GNAO1: variants seen among roughly 807,000 people sequenced by gnomAD.
The protein encoded by GNAO1 is G protein subunit alpha o1.
For synonymous variants in GNAO1, 164 were observed against 180.7 expected (o/e 0.91, Z 0.74); for missense variants, 166 against 478.7 (o/e 0.35, Z 6.10).
At chr16:56,262,916 T>C (rs1168886884) in intron 2 of GNAO1, among the ~76,000 whole-genome samples, 1 of 152,266 alleles carries the variant, frequency 6.6e-6, no homozygotes, top group Non-Finnish European at 1.5e-5. Context: ...CTGTCATGTC[T>C]CTGCAACATA....
chr16:56,203,393 G>A (rs891184793), intron 2 of GNAO1, among the ~76,000 whole-genome samples: 1 of 152,118 alleles, frequency 6.6e-6, no homozygotes, highest in Admixed American at 6.5e-5. Flanking sequence ...GTCACTATGA[G>A]AAAAAAGCTC....
At chr16:56,279,587 C>T (rs576017085) in intron 3 of GNAO1, among the ~76,000 whole-genome samples, 3 of 152,322 alleles carry the variant, frequency 2.0e-5, no homozygotes, top group East Asian at 1.9e-4. Context: ...TATGCTTCAT[C>T]TTGTCCATGA....
rs375960435 is a variant in GNAO1, at chr16:56,334,760, G to A, written c.496G>A (p.Ala166Thr). 13 of 1,613,808 alleles carry A rather than the reference G, an allele frequency of 8.1e-6. 1 individual carries two copies. Among genetic ancestry groups the A allele is most frequent in the Middle Eastern group, 1.6e-4 (1 of 6,084 alleles). ...GGACAGCCTGGATCGGATTGGGGCC[G>A]CCGACTACCAGCCCACCGAGCAGGA... Reference protein sequence around the residue: ...YLDSLDRIGAADYQPTEQDIL... With the variant: ...YLDSLDRIGATDYQPTEQDIL... The change falls in exon 5 of 9, where the codon GCC (alanine) becomes ACC (threonine). Residue 166 changes from alanine to threonine, a missense_variant. Ala to Thr is a moderately conservative substitution (Grantham distance 58). Coordinates refer to ENST00000262493, the MANE Select transcript of GNAO1 (RefSeq NM_020988.3).
intron 2 of GNAO1, among the ~76,000 whole-genome samples, chr16:56,243,996 G>A (rs1188870381): frequency 6.6e-6 from 1 of 152,180 alleles, no homozygotes; most frequent in African/African-American, 2.4e-5. Flanking sequence ...TAGTGCATAA[G>A]GAAAATGAGG....
chr16:56,244,250 G>T (rs2036721290), intron 2 of GNAO1, among the ~76,000 whole-genome samples: 2 of 152,184 alleles, frequency 1.3e-5, no homozygotes, highest in South Asian at 2.1e-4. Context: ...TTAAGGCACA[G>T]AATTCCTGGG....
chr16:56,287,217 CAG>C (rs1291748740), intron 3 of GNAO1, among the ~76,000 whole-genome samples: 1 of 152,354 alleles, frequency 6.6e-6, no homozygotes, highest in Admixed American at 6.5e-5. Context: ...AGGCTGGTAA[CAG>C]AAGAGGCCTC....
At chr16:56,274,063 C>T (rs933551846) in intron 2 of GNAO1, among the ~76,000 whole-genome samples, 1 of 152,218 alleles carries the variant, frequency 6.6e-6, no homozygotes, top group East Asian at 1.9e-4. Context: ...CTTCCAGCTA[C>T]CTCAGCTTTC....
chr16:56,354,568 C>T lies in GNAO1; in HGVS notation c.878-298C>T, dbSNP rs1332334972. Among the ~76,000 whole-genome samples, 1 of 152,080 alleles carries T rather than the reference C, an allele frequency of 6.6e-6. No homozygotes were observed. Among genetic ancestry groups the T allele is most frequent in the African/African-American group, 2.4e-5 (1 of 41,432 alleles). On this transcript the variant is annotated intron_variant, in intron 7 of 8. Transcript: ENST00000262493. The surrounding 1 kb of genome is among the most constrained non-coding windows in gnomAD (Gnocchi z 4.3). ...GCACGCGCCTGTATTACCAGCTACTCAGGAGGCTGAGGCAGGAGAATCGCT... is the reference window on the plus strand; with the variant it reads ...GCACGCGCCTGTATTACCAGCTACTTAGGAGGCTGAGGCAGGAGAATCGCT...
intron 2 of GNAO1, among the ~76,000 whole-genome samples, chr16:56,236,858 A>T: frequency 6.6e-6 from 1 of 152,194 alleles, no homozygotes; most frequent in Non-Finnish European, 1.5e-5. Context: ...TGAAAATGGC[A>T]GTTAGAAGTG....
At chr16:56,204,264 T>C (rs1440739926) in intron 2 of GNAO1, among the ~76,000 whole-genome samples, 1 of 152,282 alleles carries the variant, frequency 6.6e-6, no homozygotes, top group Non-Finnish European at 1.5e-5. Context: ...AGCATGAATT[T>C]CAGGTCCTTA....
At chr16:56,286,211 C>T (rs1420316568) in intron 3 of GNAO1, among the ~76,000 whole-genome samples, 4 of 152,204 alleles carry the variant, frequency 2.6e-5, no homozygotes, top group Non-Finnish European at 5.9e-5. Flanking sequence ...TCTGCACACA[C>T]GCTCATCAGC....
intron 4 of GNAO1, 86 bp from the exon 5 acceptor site, chr16:56,334,643 C>A: frequency 2.1e-6 from 3 of 1,438,130 alleles, no homozygotes; most frequent in Non-Finnish European, 2.9e-6. Context: ...CTGACCGAGA[C>A]TGGACTCTGA....
chr16:56,210,527 T>C (rs975458407), intron 2 of GNAO1, among the ~76,000 whole-genome samples: 37 of 152,274 alleles, frequency 2.4e-4, no homozygotes, highest in African/African-American at 7.5e-4. Flanking sequence ...TCATCTTGCA[T>C]TTCTACCAGC....
At chr16:56,310,148 CA>C (rs1205680911) in intron 3 of GNAO1, among the ~76,000 whole-genome samples, 9 of 147,910 alleles carry the variant, frequency 6.1e-5, no homozygotes, top group African/African-American at 2.0e-4. Context: ...TTCTAAAAAA[CA>C]AAAAAAAGAA....
At chr16:56,347,912 C>G in intron 6 of GNAO1, 1 of 872,490 alleles carries the variant, frequency 1.1e-6, no homozygotes, top group Non-Finnish European at 1.4e-6. Flanking sequence ...TGCCCGCCGT[C>G]CCCCACCCTG....
At chr16:56,355,200 C>A in intron 8 of GNAO1, 119 bp downstream of exon 8, 1 of 301,132 alleles carries the variant, frequency 3.3e-6, no homozygotes, top group Non-Finnish European at 5.8e-6. Flanking sequence ...AGAGGCATAA[C>A]AAAACCTTAT....
chr16:56,255,738 C>G (rs1344334171), intron 2 of GNAO1: 1 of 152,032 alleles, frequency 6.6e-6, no homozygotes, highest in Non-Finnish European at 1.5e-5. Flanking sequence ...GTTTGTTTTT[C>G]TACTTCTAGA....
At chr16:56,339,700 T>C in intron 6 of GNAO1, 1 of 152,880 alleles carries the variant, frequency 6.5e-6, no homozygotes, top group South Asian at 2.1e-4. Context: ...GTACCTGCTC[T>C]CAGCACCGCC....
chr16:56,303,200 G>T (rs955293746), intron 3 of GNAO1, among the ~76,000 whole-genome samples: 1 of 152,190 alleles, frequency 6.6e-6, no homozygotes, highest in Non-Finnish European at 1.5e-5. Context: ...TGTATGCTGA[G>T]CTCTGTGCCC....
Sources: allele counts gnomAD v4.1 joint callset (sites outside exome capture counted in the v4.1 genomes callset), GRCh38; gene constraint gnomAD v4.1.1; non-coding constraint Gnocchi (gnomAD v3.1); transcripts MANE v1.5; gene names NCBI Gene and HGNC (gene_info 2026-07-23, HGNC 2026-07-21).